The following DOCK3 variants were observed in gnomAD, a reference collection of about 807,000 sequenced individuals.
The protein encoded by DOCK3 is dedicator of cytokinesis 3.
DOCK3 carries 60 observed loss-of-function variants against 265.6 expected under a neutral mutation model. The ratio of observed to expected loss-of-function variants is 0.23; its 90% CI spans 0.18 to 0.28. The LOEUF is 0.28. Ranked by LOEUF, DOCK3 falls within the 10% of genes least tolerant of loss-of-function variation. DOCK3 has a pLI of 1.00. For missense variants in DOCK3, 1,981 were observed against 2,594.3 expected (o/e 0.76, Z 5.14); for synonymous variants, 881 against 938.0 (o/e 0.94, Z 1.11).
chr3:50,870,415 A>G (rs1190491711), intron 3 of DOCK3, among the ~76,000 whole-genome samples: 2 of 152,124 alleles, frequency 1.3e-5, no homozygotes, highest in Admixed American at 6.5e-5. Context: ...TATTTTGTCT[A>G]AGTATAGCCA....
chr3:51,354,782 C>T, intron 40 of DOCK3, 100 bp from the exon 41 acceptor site: 1 of 1,519,408 alleles, frequency 6.6e-7, no homozygotes, highest in Non-Finnish European at 8.8e-7. Flanking sequence ...AGAGAAGGCT[C>T]CTAAGATATG....
Position 50,938,317 on chromosome 3 carries a change from C to T in DOCK3, c.315+4240C>T, listed in dbSNP as rs114928483. On this transcript the variant is annotated intron_variant, in intron 5 of 52. Transcript: ENST00000266037. ...GAATGGAGAAAAGAGAAAAAAGTCA[C>T]TGTTATGGTTGGGGATTAATAACGC... Among the ~76,000 whole-genome samples, 635 of 152,164 alleles carry T rather than the reference C, an allele frequency of 4.2e-3. 2 individuals are homozygous for T. Among genetic ancestry groups the T allele is most frequent in the Middle Eastern group, 0.014 (4 of 294 alleles).
intron 12 of DOCK3, among the ~76,000 whole-genome samples, chr3:51,204,850 G>A (rs1181057976): frequency 6.6e-6 from 1 of 151,990 alleles, no homozygotes; most frequent in Non-Finnish European, 1.5e-5. Context: ...AAAAGGATGA[G>A]TTCATGTCCT....
At chr3:51,209,096 ACT>A (rs1269797685) in intron 13 of DOCK3, among the ~76,000 whole-genome samples, 1 of 152,188 alleles carries the variant, frequency 6.6e-6, no homozygotes, top group Non-Finnish European at 1.5e-5. Context: ...TTGATAGGTA[ACT>A]CGAGTTCCAA....
chr3:50,690,508 T>G (rs2035148581), intron 1 of DOCK3, among the ~76,000 whole-genome samples: 1 of 152,186 alleles, frequency 6.6e-6, no homozygotes, highest in South Asian at 2.1e-4. Context: ...TGTCTATCTC[T>G]GGAATTTTTT....
chr3:51,190,590 A>G (rs1009495228), intron 12 of DOCK3, among the ~76,000 whole-genome samples: 1 of 152,180 alleles, frequency 6.6e-6, no homozygotes, highest in African/African-American at 2.4e-5. Flanking sequence ...CTATCTGCAG[A>G]TTCTGCAATG....
chr3:51,312,754 C>G, intron 30 of DOCK3, 90 bp from the exon 31 acceptor site: 1 of 1,386,096 alleles, frequency 7.2e-7, no homozygotes, highest in South Asian at 1.3e-5. Context: ...TAGAAACAAA[C>G]AGTGCTGAAG....
chr3:51,238,909 G>A (rs2078467650), intron 21 of DOCK3, among the ~76,000 whole-genome samples: 1 of 152,138 alleles, frequency 6.6e-6, no homozygotes, highest in African/African-American at 2.4e-5. Flanking sequence ...GAACAGTGCT[G>A]CAATGAACCT....
chr3:51,109,690 A>G (rs965254600), intron 9 of DOCK3, among the ~76,000 whole-genome samples: 1 of 152,114 alleles, frequency 6.6e-6, no homozygotes, highest in East Asian at 1.9e-4. Context: ...TTGGGAGGCC[A>G]AGTCCAGAGG....
intron 22 of DOCK3, among the ~76,000 whole-genome samples, chr3:51,253,390 G>A (rs1034797374): frequency 1.3e-5 from 2 of 152,182 alleles, no homozygotes; most frequent in South Asian, 2.1e-4. Context: ...AAACGAGTTA[G>A]GGAGGATTCC....
chr3:51,011,140 G>T (rs2078934001), intron 5 of DOCK3, among the ~76,000 whole-genome samples: 1 of 152,094 alleles, frequency 6.6e-6, no homozygotes, highest in African/African-American at 2.4e-5. Context: ...GGTGTTCTTT[G>T]TATTTCCTGA....
chr3:51,243,383 A>T (rs1226074224), intron 21 of DOCK3, among the ~76,000 whole-genome samples: 1 of 148,824 alleles, frequency 6.7e-6, no homozygotes, highest in African/African-American at 2.5e-5. Context: ...TTAATAGTTC[A>T]CTCACCTTTC....
At chr3:50,978,038 CCTT>C (rs1203197190) in intron 5 of DOCK3, among the ~76,000 whole-genome samples, 1 of 151,988 alleles carries the variant, frequency 6.6e-6, no homozygotes, top group Non-Finnish European at 1.5e-5. Context: ...TCTAGTTATA[CCTT>C]CTTCTAAATT....
intron 5 of DOCK3, among the ~76,000 whole-genome samples, chr3:51,051,104 G>A (rs1485859974): frequency 6.6e-6 from 1 of 152,098 alleles, no homozygotes. Context: ...AGAGTAACAT[G>A]TTCTTCAAAT....
intron 10 of DOCK3, among the ~76,000 whole-genome samples, chr3:51,155,860 C>G (rs2085823234): frequency 1.3e-5 from 2 of 152,134 alleles, no homozygotes; most frequent in South Asian, 4.1e-4. Flanking sequence ...TTTAGATATT[C>G]AGGACCTCAT....
chr3:50,834,907 A>G (rs947319684), intron 2 of DOCK3, among the ~76,000 whole-genome samples: 1 of 152,210 alleles, frequency 6.6e-6, no homozygotes, highest in African/African-American at 2.4e-5. Flanking sequence ...GCCATATTTC[A>G]TTATTGCATT....
At chr3:50,993,912 G>A (rs2108637656) in intron 5 of DOCK3, among the ~76,000 whole-genome samples, 1 of 152,268 alleles carries the variant, frequency 6.6e-6, no homozygotes, top group South Asian at 2.1e-4. Context: ...GCCCTGTGCT[G>A]CCTCCCAACC....
intron 12 of DOCK3, among the ~76,000 whole-genome samples, chr3:51,189,584 A>C (rs2087816372): frequency 6.6e-6 from 1 of 152,172 alleles, no homozygotes; most frequent in African/African-American, 2.4e-5. Context: ...TCTGCAAAAG[A>C]CATTATTTCA....
At position 51,363,020 on chromosome 3, in the gene DOCK3, G is replaced by A. The variant is rs1023458700; in HGVS notation, c.5293+346G>A. ...GTGAGTCTTTTGTCTTGAGGAATCA[G>A]GCATGATGACAAAGTATGAAAAGTA... On this transcript the variant is annotated intron_variant, in intron 49 of 52. Coordinates refer to ENST00000266037, the MANE Select transcript of DOCK3 (RefSeq NM_004947.5). Among the ~76,000 whole-genome samples, 4 of 152,202 alleles carry A rather than the reference G, an allele frequency of 2.6e-5. No individual in the cohort carries two copies. In the South Asian group the frequency reaches 6.2e-4, roughly 24 times the overall value.
Sources: allele counts gnomAD v4.1 joint callset (sites outside exome capture counted in the v4.1 genomes callset), GRCh38; gene constraint gnomAD v4.1.1; transcripts MANE v1.5; gene names NCBI Gene and HGNC (gene_info 2026-07-23, HGNC 2026-07-21).